DNAH12: variants seen among roughly 807,000 people sequenced by gnomAD.
DNAH12 encodes dynein axonemal heavy chain 12.
A neutral mutation model predicts 371.5 loss-of-function variants in DNAH12; 285 were observed. That is an observed-to-expected ratio of 0.77 (90% CI 0.70 to 0.85). DNAH12 has a LOEUF of 0.85. Among genes scored for constraint, DNAH12 ranks in the 40% least tolerant of loss-of-function variants. DNAH12 has a pLI of 0.00. For missense variants in DNAH12, 3,611 were observed against 3,689.4 expected (o/e 0.98, Z 0.55); for synonymous variants, 1,200 against 1,213.0 (o/e 0.99, Z 0.22).
At chr3:57,358,918 G>A (rs2062858811) in intron 58 of DNAH12, among the ~76,000 whole-genome samples, 1 of 152,058 alleles carries the variant, frequency 6.6e-6, no homozygotes, top group Non-Finnish European at 1.5e-5. Context: ...CCAAGTAGCT[G>A]AGATTACAGG....
chr3:57,303,717 G>A (rs1353184466), intron 69 of DNAH12, among the ~76,000 whole-genome samples: 3 of 152,028 alleles, frequency 2.0e-5, no homozygotes, highest in Non-Finnish European at 4.4e-5. Flanking sequence ...CTTTTTAAAA[G>A]GGGAAAATTC....
chr3:57,318,082 T>C (rs1389369234), intron 65 of DNAH12, among the ~76,000 whole-genome samples: 3 of 152,168 alleles, frequency 2.0e-5, no homozygotes, highest in African/African-American at 4.8e-5. Context: ...TTATCTAATA[T>C]ATGGTTTGCA....
intron 1 of DNAH12, 76 bp downstream of exon 1, chr3:57,544,121 A>G (rs761558332): frequency 6.6e-6 from 1 of 152,270 alleles, no homozygotes; most frequent in Non-Finnish European, 1.5e-5. Context: ...CTGCCTTGAA[A>G]GAGTGTTTAA....
chr3:57,438,918 C>CAAA lies in DNAH12; in HGVS notation c.4546-1861_4546-1859dup, dbSNP rs57608649. Among the ~76,000 whole-genome samples the CAAA allele has an allele frequency of 5.1e-3, 481 of 94,532 alleles. 11 individuals are homozygous for CAAA. The highest frequency in any genetic ancestry group is 0.019 in the African/African-American group (465 of 24,946). The allele number at this position is 94,532 out of a possible 152,430, so 62.0% of individuals were successfully genotyped here. On this transcript the variant is annotated intron_variant, in intron 29 of 73. Coordinates refer to ENST00000495027, the MANE Select transcript of DNAH12 (RefSeq NM_001366028.2). ...CAACAGAGTGAAACTCTGTCTCAGA[C>CAAA]AAAAAAAAAAAAAAGGAAAGCAACT...
In DNAH12 at chr3:57,338,022, TTCTC is replaced by T. The variant is rs200504571; in HGVS notation, c.9675-3086_9675-3083del. 5.9e-5 allele frequency among the ~76,000 whole-genome samples: 9 copies of T among 152,258 alleles called. No homozygotes were observed. The South Asian group carries it at 6.2e-4, about 11-fold the overall frequency. On this transcript the variant is annotated intron_variant, in intron 60 of 73. Coordinates refer to ENST00000495027, the MANE Select transcript of DNAH12 (RefSeq NM_001366028.2). ...TTGTTTCGCTCTCCCTCTCTCTCTC[TTCTC>T]TCTCTTTCCACGGTCTCCCTCTGTT...
chr3:57,481,588 AC>A (rs1422467703), intron 13 of DNAH12, among the ~76,000 whole-genome samples: 1 of 152,164 alleles, frequency 6.6e-6, no homozygotes, highest in Non-Finnish European at 1.5e-5. Context: ...TTCATATGGA[AC>A]CAAAAAAGAG....
At chr3:57,385,769 C>T (rs1224856976) in intron 47 of DNAH12, among the ~76,000 whole-genome samples, 1 of 152,094 alleles carries the variant, frequency 6.6e-6, no homozygotes, top group African/African-American at 2.4e-5. Context: ...GTAATCCCAG[C>T]TACTTGGGAG....
In DNAH12 at chr3:57,310,709, A is replaced by T. The variant is rs1310802939; in HGVS notation, c.10896+8T>A. Reference sequence around the variant, plus strand: ...TTAATCTAACCTTATTTTTGGTGACATCATTACCTTAATGAATTCAATGTA... The same window carrying T: ...TTAATCTAACCTTATTTTTGGTGACTTCATTACCTTAATGAATTCAATGTA... On this transcript the variant is annotated splice_region_variant and intron_variant, in intron 67 of 73. Coordinates refer to ENST00000495027, the MANE Select transcript of DNAH12 (RefSeq NM_001366028.2). The T allele has an allele frequency of 6.5e-7, 1 of 1,533,992 alleles. No individual in the cohort carries two copies. Among genetic ancestry groups the T allele is most frequent in the Admixed American group, 2.0e-5 (1 of 50,710 alleles).
intron 73 of DNAH12, among the ~76,000 whole-genome samples, chr3:57,294,554 G>C (rs2061193731): frequency 6.6e-6 from 1 of 152,122 alleles, no homozygotes; most frequent in Non-Finnish European, 1.5e-5. Flanking sequence ...CGCTTAGCAG[G>C]CATGAGAAAA....
intron 18 of DNAH12, among the ~76,000 whole-genome samples, chr3:57,462,226 G>T (rs1380422760): frequency 1.5e-5 from 2 of 134,422 alleles, no homozygotes; most frequent in African/African-American, 5.8e-5. Context: ...TACACACTTT[G>T]GGGGGGAGGA....
At chr3:57,509,668 G>C (rs2067907934) in intron 5 of DNAH12, among the ~76,000 whole-genome samples, 1 of 151,562 alleles carries the variant, frequency 6.6e-6, no homozygotes, top group Non-Finnish European at 1.5e-5. Flanking sequence ...TTGAGACCAG[G>C]CTAGCCAACA....
At chr3:57,522,363 G>C (rs1403033806) in intron 4 of DNAH12, among the ~76,000 whole-genome samples, 1 of 152,202 alleles carries the variant, frequency 6.6e-6, no homozygotes, top group East Asian at 1.9e-4. Context: ...GTGAATGACT[G>C]TATGCCTGGC....
At chr3:57,418,744 A>G (rs756438017) in intron 37 of DNAH12, among the ~76,000 whole-genome samples, 2 of 152,154 alleles carry the variant, frequency 1.3e-5, no homozygotes, top group Admixed American at 6.5e-5. Context: ...CAGCTTCTTT[A>G]TCAAAAAAAT....
chr3:57,514,265 G>A (rs985759775), intron 4 of DNAH12, among the ~76,000 whole-genome samples: 1 of 151,658 alleles, frequency 6.6e-6, no homozygotes, highest in African/African-American at 2.4e-5. Flanking sequence ...ATGGTGGGGG[G>A]AACCTGTAAT....
chr3:57,437,790 T>C (rs2065174512), intron 29 of DNAH12, among the ~76,000 whole-genome samples: 1 of 152,122 alleles, frequency 6.6e-6, no homozygotes, highest in South Asian at 2.1e-4. Context: ...CACAGAGAGA[T>C]TTCTTTAGTC....
intron 60 of DNAH12, among the ~76,000 whole-genome samples, chr3:57,351,164 G>A (rs1284387701): frequency 6.6e-6 from 1 of 152,056 alleles, no homozygotes; most frequent in Admixed American, 6.5e-5. Context: ...AGCTACTCGG[G>A]AGGCTGAGGC....
intron 2 of DNAH12, chr3:57,536,237 C>T (rs1052843160): frequency 6.6e-6 from 1 of 152,138 alleles, no homozygotes; most frequent in African/African-American, 2.4e-5. Context: ...ATCAGTGTCC[C>T]TCTTTTTATT....
In DNAH12 at chr3:57,501,399, A is replaced by C; in HGVS notation, c.1257T>G (p.Asn419Lys). 1.3e-6 allele frequency: 2 copies of C among 1,584,948 alleles called. No homozygotes were observed. Among genetic ancestry groups the C allele is most frequent in the Non-Finnish European group, 1.7e-6 (2 of 1,172,404 alleles). ...KHYETYVEKYNWLLDGTAVEN... is the reference protein window; with the variant it reads ...KHYETYVEKYKWLLDGTAVEN... ...CAACTGCAGTCCCATCAAGGAGCCA[A>C]TTATATTTTTCAACTGAAAATTAAT... Residue 419 changes from asparagine (N) to lysine (K), a missense_variant, in exon 11 of 74, where the codon AAT (asparagine) becomes AAG (lysine). Asn to Lys is a moderately conservative substitution (Grantham distance 94). Around this residue, in one of 3 missense-constraint regions of DNAH12, gnomAD observed 1,314 missense variants for 1,398.7 expected, o/e 0.94. Transcript: ENST00000495027.
At position 57,302,561 on chromosome 3, in the gene DNAH12, A is replaced by ATTTTTTTTT. The variant is rs1180289342; in HGVS notation, c.11190-623_11190-622insAAAAAAAAA. ...TATATATATATATATATATATATAT[A>ATTTTTTTTT]TATGTATTTTTTTTTTTTTTTTTTT... On this transcript the variant is annotated intron_variant, in intron 69 of 73. Coordinates refer to ENST00000495027, the MANE Select transcript of DNAH12 (RefSeq NM_001366028.2). Among the ~76,000 whole-genome samples the ATTTTTTTTT allele has an allele frequency of 1.3e-4, 6 of 45,160 alleles. 1 individual carries two copies. Among genetic ancestry groups the ATTTTTTTTT allele is most frequent in the Non-Finnish European group, 2.3e-4 (5 of 22,092 alleles). 29.6% of individuals were successfully genotyped at this position (45,160 alleles called of 152,430 possible). A position where few individuals can be genotyped will look rare whatever the true frequency, so the allele number is the denominator to read the frequency against.
Sources: allele counts gnomAD v4.1 joint callset (sites outside exome capture counted in the v4.1 genomes callset), GRCh38; gene constraint gnomAD v4.1.1; regional missense constraint gnomAD v4.1.1; transcripts MANE v1.5; gene names NCBI Gene and HGNC (gene_info 2026-07-23, HGNC 2026-07-21).